Variants in PLSCR2 observed in about 807,000 individuals in gnomAD.
PLSCR2 encodes PL scramblase 2.
In PLSCR2, 18 loss-of-function variants were observed where a neutral mutation model predicts 25.3. The ratio of observed to expected loss-of-function variants is 0.71; its 90% CI spans 0.49 to 1.06. The LOEUF is 1.06. PLSCR2 is among the 50% of genes least tolerant of loss of function. The pLI is 0.00. For synonymous variants in PLSCR2, 88 were observed against 87.3 expected, an observed-to-expected ratio of 1.01 and a Z score of -0.04; for missense variants, 243 against 269.5, an observed-to-expected ratio of 0.90 and a Z score of 0.69.
intron 1 of PLSCR2, among the ~76,000 whole-genome samples, chr3:146,480,975 A>AG (rs2043109148): frequency 1.3e-5 from 2 of 152,186 alleles, no homozygotes; most frequent in African/African-American, 4.8e-5. Context: ...AGAACCAATG[A>AG]CAAAAAACAC....
intron 2 of PLSCR2, among the ~76,000 whole-genome samples, chr3:146,419,102 AT>A (rs200059391): frequency 4.0e-5 from 6 of 151,820 alleles, no homozygotes; most frequent in African/African-American, 1.2e-4. Context: ...TTCTCTCAAG[AT>A]TTTTTTTCTC....
At position 146,442,836 on chromosome 3, in the gene PLSCR2, A is replaced by C. The variant is rs371659978; in HGVS notation, c.646-1015T>G. 3.4e-4 allele frequency among the ~76,000 whole-genome samples: 52 copies of C among 152,142 alleles called. No individual in the cohort carries two copies. In the South Asian group the frequency reaches 1.0e-2, roughly 29 times the overall value. ...AATGGATTAAAGACTTAAATGTAAA[A>C]CCTATACTGTAAAACGACTAGAAGA... On this transcript the variant is annotated intron_variant, in intron 6 of 6. Coordinates refer to ENST00000610787, the Ensembl canonical transcript of PLSCR2.
chr3:146,454,227 C>T lies in PLSCR2; in HGVS notation c.322-64G>A, dbSNP rs2041069277. The T allele has an allele frequency of 2.6e-6, 3 of 1,153,476 alleles. No individual in the cohort carries two copies. In the Admixed American group the frequency reaches 8.9e-5, roughly 34 times the overall value. 71.5% of individuals were successfully genotyped at this position (1,153,476 alleles called of 1,614,324 possible). On this transcript the variant is annotated intron_variant, in intron 4 of 6. Coordinates refer to ENST00000610787, the Ensembl canonical transcript of PLSCR2. ...ATAATAAAAATATCTAATAATAGCTCTAATTTACTGAGCATTTCCTAAGTG... is the reference window on the plus strand; with the variant it reads ...ATAATAAAAATATCTAATAATAGCTTTAATTTACTGAGCATTTCCTAAGTG...
intron 6 of PLSCR2, among the ~76,000 whole-genome samples, chr3:146,446,001 C>A (rs2040534841): frequency 6.6e-6 from 1 of 152,040 alleles, no homozygotes; most frequent in Non-Finnish European, 1.5e-5. Flanking sequence ...TTCTTTTTAG[C>A]TATTTCAATC....
intron 2 of PLSCR2, among the ~76,000 whole-genome samples, chr3:146,459,018 C>CTT (rs2041394185): frequency 6.6e-6 from 1 of 152,120 alleles, no homozygotes; most frequent in Non-Finnish European, 1.5e-5. Context: ...AACTCATTGA[C>CTT]TATCATAGAA....
At chr3:146,455,401 C>T in exon 4 of PLSCR2, 1 of 1,613,706 alleles carries the variant, frequency 6.2e-7, no homozygotes, top group Non-Finnish European at 8.5e-7. Flanking sequence ...CAAAATAAAT[C>T]CTCTGCCCAA....
At chr3:146,474,254 C>CT (rs995425793) in intron 1 of PLSCR2, among the ~76,000 whole-genome samples, 3 of 152,074 alleles carry the variant, frequency 2.0e-5, no homozygotes, top group African/African-American at 7.2e-5. Context: ...AACATGCTAT[C>CT]TTTTTTTATT....
chr3:146,443,204 A>C lies in PLSCR2; in HGVS notation c.646-1383T>G, dbSNP rs1033874486. Reference sequence around the variant, plus strand: ...GTTAAGGATTTTTGGATCAATGTTCATCAGGCATATTAACCTGTAGTTTTC... The same window carrying C: ...GTTAAGGATTTTTGGATCAATGTTCCTCAGGCATATTAACCTGTAGTTTTC... On this transcript the variant is annotated intron_variant, in intron 6 of 6. Transcript: ENST00000610787. Among the ~76,000 whole-genome samples, 3 of 152,160 alleles carry C rather than the reference A, an allele frequency of 2.0e-5. No individual in the cohort carries two copies. The South Asian group carries it at 6.2e-4, about 32-fold the overall frequency.
chr3:146,445,149 A>G (rs1049074073), intron 6 of PLSCR2, among the ~76,000 whole-genome samples: 1 of 152,072 alleles, frequency 6.6e-6, no homozygotes, highest in African/African-American at 2.4e-5. Context: ...TTTTATTTTT[A>G]ATAGGCTCAT....
intron 1 of PLSCR2, among the ~76,000 whole-genome samples, chr3:146,473,490 G>C (rs564140536): frequency 7.9e-5 from 12 of 152,064 alleles, no homozygotes; most frequent in Non-Finnish European, 1.6e-4. Context: ...ATTTTTAGTA[G>C]AGATGGGGTT....
chr3:146,446,567 A>C (rs73865716), intron 6 of PLSCR2, among the ~76,000 whole-genome samples: 12,184 of 152,188 alleles, frequency 0.08, 621 homozygotes, highest in African/African-American at 0.13. Context: ...ACAAAAACCC[A>C]TGTGACCACC....
At chr3:146,430,044 C>A (rs770305461), downstream of PLSCR2, among the ~76,000 whole-genome samples, 2 of 152,072 alleles carry the variant, frequency 1.3e-5, no homozygotes, top group Admixed American at 6.6e-5. Flanking sequence ...AATTCCGCGC[C>A]TGGCTGGAAT....
intron 6 of PLSCR2, among the ~76,000 whole-genome samples, chr3:146,444,143 T>G (rs993605799): frequency 1.3e-5 from 2 of 152,044 alleles, no homozygotes; most frequent in African/African-American, 4.8e-5. Flanking sequence ...TAATTTCATA[T>G]TTTTAAAGAA....
chr3:146,424,424 C>A (rs921697711), intron 2 of PLSCR2, among the ~76,000 whole-genome samples: 1 of 152,080 alleles, frequency 6.6e-6, no homozygotes, highest in Non-Finnish European at 1.5e-5. Flanking sequence ...TTGGGGGACA[C>A]CAACATTTAG....
intron 2 of PLSCR2, among the ~76,000 whole-genome samples, chr3:146,459,016 G>T (rs2041393865): frequency 6.6e-6 from 1 of 152,076 alleles, no homozygotes; most frequent in Non-Finnish European, 1.5e-5. Flanking sequence ...AAAACTCATT[G>T]ACTATCATAG....
chr3:146,426,973 A>G (rs992857240), intron 2 of PLSCR2, among the ~76,000 whole-genome samples: 18 of 152,208 alleles, frequency 1.2e-4, no homozygotes, highest in African/African-American at 4.1e-4. Context: ...AAATAAATAA[A>G]TGATATAATA....
At chr3:146,410,720 T>C (rs1312586003) in intron 2 of PLSCR2, among the ~76,000 whole-genome samples, 1 of 152,204 alleles carries the variant, frequency 6.6e-6, no homozygotes, top group Non-Finnish European at 1.5e-5. Context: ...AACAAAACAA[T>C]AAACATAAAA....
chr3:146,469,629 C>G (rs987873387), intron 1 of PLSCR2, 68 bp from the exon 1 acceptor site: 2 of 941,808 alleles, frequency 2.1e-6, no homozygotes, highest in African/African-American at 3.6e-5. Context: ...GGGCCTGGAC[C>G]AGCCTCAGAG....
chr3:146,405,399 A>G (rs1576567318), intron 2 of PLSCR2, among the ~76,000 whole-genome samples: 1 of 152,198 alleles, frequency 6.6e-6, no homozygotes, highest in East Asian at 1.9e-4. Context: ...AGCTTGCACA[A>G]GTTAAGTCCT....
Sources: gnomAD v4.1 joint callset for allele counts (sites outside exome capture counted in the v4.1 genomes callset) on GRCh38, gnomAD v4.1.1 for gene constraint, MANE v1.5 for transcripts, NCBI Gene and HGNC (gene_info 2026-07-23, HGNC 2026-07-21) for gene names.